The following SLC44A5 variants were observed in gnomAD, a reference collection of about 807,000 sequenced individuals.
The protein encoded by SLC44A5 is choline transporter-like protein 5.
In SLC44A5, 57 loss-of-function variants were observed where a neutral mutation model predicts 101.8. The observed-to-expected ratio is 0.56, with a 90% CI of 0.45 to 0.70. The LOEUF is 0.70. SLC44A5 is among the 30% of genes least tolerant of loss of function. The probability of loss-of-function intolerance (pLI) is 0.00; values close to 1 mark genes in which losing one functional copy is unlikely to be tolerated. For missense variants in SLC44A5, 737 were observed against 853.1 expected, an observed-to-expected ratio of 0.86 and a Z score of 1.70; for synonymous variants, 281 against 290.9, an observed-to-expected ratio of 0.97 and a Z score of 0.35.
chr1:75,667,749 C>G, the SLC44A5 span, among the ~76,000 whole-genome samples: 10 of 152,124 alleles, frequency 6.6e-5, no homozygotes, highest in Non-Finnish European at 1.3e-4. Context: ...AAGTGCCGAA[C>G]TAAGAGGAGG....
chr1:75,318,004 T>C (rs1254707245), intron 4 of SLC44A5, among the ~76,000 whole-genome samples: 3 of 152,140 alleles, frequency 2.0e-5, no homozygotes, highest in African/African-American at 7.2e-5. Context: ...GAATAGAACC[T>C]ACTCTCATTT....
intron 4 of SLC44A5, among the ~76,000 whole-genome samples, chr1:75,306,238 T>G (rs893780801): frequency 1.3e-5 from 2 of 152,216 alleles, no homozygotes; most frequent in African/African-American, 2.4e-5. Flanking sequence ...ATTTACCACC[T>G]GGACATTTAT....
At chr1:75,237,698 T>A (rs1196136765) in intron 10 of SLC44A5, among the ~76,000 whole-genome samples, 3 of 152,046 alleles carry the variant, frequency 2.0e-5, no homozygotes, top group African/African-American at 4.8e-5. Context: ...ACTCTGCTTG[T>A]TTTTGACTTT....
intron 3 of SLC44A5, among the ~76,000 whole-genome samples, chr1:75,384,746 G>C (rs574480323): frequency 0.012 from 1,653 of 136,012 alleles, 41 homozygotes; most frequent in African/African-American, 0.044. Context: ...CAAATCAACA[G>C]AATATACATT....
At chr1:75,628,809 G>A in the SLC44A5 span, among the ~76,000 whole-genome samples, 1 of 152,120 alleles carries the variant, frequency 6.6e-6, no homozygotes, top group Admixed American at 6.6e-5. Flanking sequence ...TAGGGAAGGT[G>A]AGCAAACAAA....
At chr1:75,252,853 C>T (rs1296419983) in intron 6 of SLC44A5, among the ~76,000 whole-genome samples, 1 of 152,154 alleles carries the variant, frequency 6.6e-6, no homozygotes, top group Non-Finnish European at 1.5e-5. Context: ...CTGGTGGTAC[C>T]TCACCTGACA....
rs1276923722 is a variant in SLC44A5 at position 75,376,495 on chromosome 1, C to T, written c.52+20088G>A. On this transcript the variant is annotated intron_variant, in intron 3 of 23. Coordinates refer to ENST00000370859, the MANE Select transcript of SLC44A5 (RefSeq NM_001130058.2). ...CAGCACGCAGCTGGAGATCTGAGAA[C>T]GGGCAGACTGCCTCCTCAAGAGGGT... Among the ~76,000 whole-genome samples the T allele has an allele frequency of 7.9e-5, 12 of 152,304 alleles. No homozygotes were observed. The South Asian group carries it at 8.3e-4, about 11-fold the overall frequency.
intron 2 of SLC44A5, among the ~76,000 whole-genome samples, chr1:75,464,524 G>A (rs1231447731): frequency 6.6e-6 from 1 of 151,768 alleles, no homozygotes; most frequent in Non-Finnish European, 1.5e-5. Flanking sequence ...AGAAAACATA[G>A]AACAAAATGA....
intron 2 of SLC44A5, among the ~76,000 whole-genome samples, chr1:75,412,411 C>T (rs1478642902): frequency 6.6e-6 from 1 of 152,168 alleles, no homozygotes; most frequent in Non-Finnish European, 1.5e-5. Context: ...AATCATATCA[C>T]TCTATGCATT....
At chr1:75,495,961 ACT>A (rs1668650539) in intron 2 of SLC44A5, among the ~76,000 whole-genome samples, 3 of 152,016 alleles carry the variant, frequency 2.0e-5, no homozygotes, top group African/African-American at 7.2e-5. Flanking sequence ...ATCAAATTAC[ACT>A]CTTTTAGTTA....
intron 5 of SLC44A5, among the ~76,000 whole-genome samples, chr1:75,277,121 C>A (rs142320723): frequency 1.3e-5 from 2 of 151,816 alleles, no homozygotes; most frequent in Non-Finnish European, 2.9e-5. Context: ...AAGAAATACA[C>A]GAAAAGGGGA....
At position 75,302,092 on chromosome 1, in the gene SLC44A5, G is replaced by C. The variant is rs145645910; in HGVS notation, c.102-1407C>G. 7.8e-3 allele frequency among the ~76,000 whole-genome samples: 1,042 copies of C among 133,322 alleles called. 16 individuals are homozygous for C. The highest frequency in any genetic ancestry group is 0.049 in the South Asian group (204 of 4,192). The allele number at this position is 133,322 out of a possible 152,430, so 87.5% of individuals were successfully genotyped here. A position where few individuals can be genotyped will look rare whatever the true frequency, so the allele number is the denominator to read the frequency against. On this transcript the variant is annotated intron_variant, in intron 4 of 23. Coordinates refer to ENST00000370859, the MANE Select transcript of SLC44A5 (RefSeq NM_001130058.2). ...ATGAGAATAATAACAAGAGAAGAAA[G>C]CAGGTGCTCTAGTTTTTTTGTTTTT...
chr1:75,478,315 C>T (rs896957551), intron 2 of SLC44A5, among the ~76,000 whole-genome samples: 2 of 152,136 alleles, frequency 1.3e-5, no homozygotes, highest in African/African-American at 4.8e-5. Context: ...ATTGTAAAGA[C>T]CATCGAGGCT....
intron 7 of SLC44A5, among the ~76,000 whole-genome samples, chr1:75,245,301 A>G (rs1297374093): frequency 1.3e-5 from 2 of 152,146 alleles, no homozygotes; most frequent in African/African-American, 2.4e-5. Context: ...TAGTGGCTTC[A>G]TAGGTATCTT....
At chr1:75,414,288 TAC>T (rs1178536875) in intron 2 of SLC44A5, among the ~76,000 whole-genome samples, 3 of 63,532 alleles carry the variant, frequency 4.7e-5, no homozygotes, top group Non-Finnish European at 9.8e-5. Flanking sequence ...CATATATACA[TAC>T]ATACATACAT....
chr1:75,472,603 T>G (rs540710818), intron 2 of SLC44A5, among the ~76,000 whole-genome samples: 14 of 152,340 alleles, frequency 9.2e-5, no homozygotes, highest in African/African-American at 3.4e-4. Context: ...TATCTTATGA[T>G]AACATTCAAC....
At chr1:75,640,539 G>A in the SLC44A5 span, among the ~76,000 whole-genome samples, 1 of 152,046 alleles carries the variant, frequency 6.6e-6, no homozygotes, top group Admixed American at 6.6e-5. Flanking sequence ...ATAATAGTCT[G>A]TTTATAATGG....
intron 3 of SLC44A5, among the ~76,000 whole-genome samples, chr1:75,369,807 G>T (rs1304664171): frequency 6.6e-6 from 1 of 151,994 alleles, no homozygotes. Context: ...GAAAGAAAAA[G>T]TAAAACTTCA....
intron 6 of SLC44A5, among the ~76,000 whole-genome samples, chr1:75,253,335 T>A (rs1175833352): frequency 1.3e-5 from 2 of 151,640 alleles, no homozygotes; most frequent in African/African-American, 4.9e-5. Flanking sequence ...TTGGACTACA[T>A]TGAACTTTTA....
Sources: gnomAD v4.1 joint callset for allele counts (sites outside exome capture counted in the v4.1 genomes callset) on GRCh38, gnomAD v4.1.1 for gene constraint, MANE v1.5 for transcripts, NCBI Gene and HGNC (gene_info 2026-07-23, HGNC 2026-07-21) for gene names.